MCPH1: variants seen among roughly 807,000 people sequenced by gnomAD.
MCPH1 encodes microcephalin.
MCPH1 carries 104 observed loss-of-function variants against 84.5 expected under a neutral mutation model. That is an observed-to-expected ratio of 1.23 (90% confidence interval 1.05 to 1.45). The LOEUF (loss-of-function observed/expected upper bound fraction) is 1.45. MCPH1 is among the 40% of genes most tolerant of loss of function. The pLI, the probability that MCPH1 is intolerant of heterozygous loss-of-function variation, is 0.00. For missense variants in MCPH1, 1,498 were observed against 1,005.7 expected (o/e 1.49, Z -6.62); for synonymous variants, 514 against 366.8 (o/e 1.40, Z -4.58).
intron 12 of MCPH1, among the ~76,000 whole-genome samples, chr8:6,596,740 A>G (rs574298205): frequency 4.6e-5 from 7 of 152,342 alleles, no homozygotes; most frequent in African/African-American, 1.7e-4. Context: ...AAAAAACGGT[A>G]GAACTGAAAA....
At chr8:6,424,883 C>G (rs766035173) in intron 3 of MCPH1, among the ~76,000 whole-genome samples, 1 of 152,230 alleles carries the variant, frequency 6.6e-6, no homozygotes, top group South Asian at 2.1e-4. Flanking sequence ...TGCTTCGCGG[C>G]TGGAATCTTC....
chr8:6,553,588 A>G (rs190742128), intron 12 of MCPH1, among the ~76,000 whole-genome samples: 2 of 152,286 alleles, frequency 1.3e-5, no homozygotes, highest in African/African-American at 4.8e-5. Flanking sequence ...GAACATGAAC[A>G]TATCCCTTTG....
chr8:6,412,124 C>G (rs1406089983), intron 2 of MCPH1, among the ~76,000 whole-genome samples: 1 of 152,094 alleles, frequency 6.6e-6, no homozygotes, highest in African/African-American at 2.4e-5. Context: ...TTTGACCTCC[C>G]TAATGCCTGT....
chr8:6,407,642 A>C (rs1479320769), intron 1 of MCPH1, among the ~76,000 whole-genome samples: 2 of 152,222 alleles, frequency 1.3e-5, no homozygotes, highest in Non-Finnish European at 2.9e-5. Flanking sequence ...GTCTGTAATC[A>C]GATGTGGCTA....
At chr8:6,558,965 C>G (rs1203723593) in intron 12 of MCPH1, among the ~76,000 whole-genome samples, 1 of 152,026 alleles carries the variant, frequency 6.6e-6, no homozygotes. Context: ...TGCAGTTCCC[C>G]TACCATAGTG....
At chr8:6,445,943 CTATT>C (rs1271298529) in intron 8 of MCPH1, 3 of 985,272 alleles carry the variant, frequency 3.0e-6, no homozygotes, top group Non-Finnish European at 3.6e-6. Flanking sequence ...AATAGTGAGG[CTATT>C]TAAAGAAAGA....
At chr8:6,568,432 C>T (rs945924082) in intron 12 of MCPH1, among the ~76,000 whole-genome samples, 1 of 152,138 alleles carries the variant, frequency 6.6e-6, no homozygotes, top group Non-Finnish European at 1.5e-5. Flanking sequence ...GTGGAGCAGC[C>T]CCCCAGCTAT....
At chr8:6,563,757 C>G (rs1825884985) in intron 12 of MCPH1, among the ~76,000 whole-genome samples, 1 of 152,064 alleles carries the variant, frequency 6.6e-6, no homozygotes, top group Admixed American at 6.6e-5. Context: ...ATTCTTGAAC[C>G]ACTAGCCAAG....
At chr8:6,534,101 G>A (rs756965791) in intron 12 of MCPH1, among the ~76,000 whole-genome samples, 2 of 151,958 alleles carry the variant, frequency 1.3e-5, no homozygotes, top group Non-Finnish European at 2.9e-5. Context: ...TCGTTCTCCC[G>A]TGGATATTGG....
chr8:6,420,998 T>A (rs550262208), intron 3 of MCPH1, among the ~76,000 whole-genome samples: 1 of 152,248 alleles, frequency 6.6e-6, no homozygotes, highest in South Asian at 2.1e-4. Flanking sequence ...GAGGTCTAAT[T>A]TGATGTTTAA....
intron 12 of MCPH1, among the ~76,000 whole-genome samples, chr8:6,614,698 A>G (rs1297931532): frequency 6.6e-6 from 1 of 152,174 alleles, no homozygotes; most frequent in Non-Finnish European, 1.5e-5. Context: ...GGCAAAAAAG[A>G]TGGATTATTC....
intron 12 of MCPH1, among the ~76,000 whole-genome samples, chr8:6,600,271 C>T (rs1007816249): frequency 6.6e-6 from 1 of 152,224 alleles, no homozygotes; most frequent in Non-Finnish European, 1.5e-5. Context: ...TAGTCAGGGA[C>T]CCCCAGGGGA....
intron 2 of MCPH1, among the ~76,000 whole-genome samples, chr8:6,413,340 C>T (rs768024370): frequency 7.9e-5 from 12 of 151,748 alleles, no homozygotes; most frequent in East Asian, 1.9e-4. Context: ...TTTTCCCTTT[C>T]GCCAACCATG....
chr8:6,536,384 T>G (rs955437999), intron 12 of MCPH1, among the ~76,000 whole-genome samples: 2 of 138,382 alleles, frequency 1.4e-5, no homozygotes, highest in Non-Finnish European at 3.1e-5. Context: ...CAGAGGCCGC[T>G]TCATACTTTT....
At chr8:6,473,723 A>G (rs148746885) in intron 9 of MCPH1, 5 of 492,384 alleles carry the variant, frequency 1.0e-5, no homozygotes, top group East Asian at 6.5e-5. Context: ...CCTTTATACT[A>G]TCCGCCTGCT....
intron 3 of MCPH1, among the ~76,000 whole-genome samples, chr8:6,415,338 A>G (rs1799116076): frequency 6.8e-6 from 1 of 147,312 alleles, no homozygotes; most frequent in South Asian, 2.2e-4. Flanking sequence ...TCCAAGCTAG[A>G]GTGCAGTAGC....
rs1192567799 is a variant in MCPH1 at position 6,647,916 on chromosome 8, C to T, written c.*4867C>T. 1 of 149,536 alleles carries T rather than the reference C, an allele frequency of 6.7e-6. No individual in the cohort carries two copies. The highest frequency in any genetic ancestry group is 1.5e-5 in the Non-Finnish European group (1 of 66,886). The allele number at this position is 149,536 out of a possible 1,614,324, so 9.3% of individuals were successfully genotyped here. ...GCATGTGAATTATACACCAATAAAG[C>T]TATTTTTTTTAAAAAAAAGAGAGAG... On this transcript the variant is annotated 3_prime_UTR_variant, in exon 14 of 14. Coordinates refer to ENST00000344683, the MANE Select transcript of MCPH1 (RefSeq NM_024596.5).
chr8:6,529,678 T>C (rs1819079582), intron 12 of MCPH1, among the ~76,000 whole-genome samples: 1 of 148,850 alleles, frequency 6.7e-6, no homozygotes, highest in Non-Finnish European at 1.5e-5. Flanking sequence ...TTGCTCAAGC[T>C]GGTCTCGGAC....
At position 6,409,337 on chromosome 8, in the gene MCPH1, A is replaced by G; in HGVS notation, c.81A>G (p.Thr27=). Residue 27 remains threonine (T), a synonymous_variant, in exon 2 of 14, where the codon ACA becomes ACG. Coordinates refer to ENST00000344683, the MANE Select transcript of MCPH1 (RefSeq NM_024596.5). Reference sequence around the variant, plus strand: ...ATGGAACAGAAAATTATTCAAAGACATTTACAACACAGCTTGTGGATATGG... The same window carrying G: ...ATGGAACAGAAAATTATTCAAAGACGTTTACAACACAGCTTGTGGATATGG... ...SSNGTENYSK[T]FTTQLVDMGA... is the part of the protein sequence containing the mutation. 1 of 1,614,036 alleles carries G rather than the reference A, an allele frequency of 6.2e-7. No individual in the cohort carries two copies. Among genetic ancestry groups the G allele is most frequent in the Non-Finnish European group, 8.5e-7 (1 of 1,179,936 alleles).
Sources: allele counts gnomAD v4.1 joint callset (sites outside exome capture counted in the v4.1 genomes callset), GRCh38; gene constraint gnomAD v4.1.1; transcripts MANE v1.5; gene names NCBI Gene and HGNC (gene_info 2026-07-23, HGNC 2026-07-21).